SYNE2: variants seen among roughly 807,000 people sequenced by gnomAD.
SYNE2 encodes nesprin-2.
A neutral mutation model predicts 856.3 loss-of-function variants in SYNE2; 431 were observed. The ratio of observed to expected loss-of-function variants is 0.50; its 90% CI spans 0.47 to 0.55. SYNE2 has a LOEUF of 0.55. Among genes scored for constraint, SYNE2 ranks in the 20% least tolerant of loss-of-function variants. The pLI is 0.00. For synonymous variants in SYNE2, 2,923 were observed against 2,872.3 expected, an observed-to-expected ratio of 1.02 and a Z score of -0.56; for missense variants, 8,129 against 8,023.2, an observed-to-expected ratio of 1.01 and a Z score of -0.50.
intron 1 of SYNE2, among the ~76,000 whole-genome samples, chr14:63,763,208 T>A (rs1595087989): frequency 6.6e-6 from 1 of 152,022 alleles, no homozygotes; most frequent in Admixed American, 6.6e-5. Context: ...CCTCAGGTGA[T>A]CCGCCTGCCT....
At chr14:64,142,299 A>C in intron 82 of SYNE2, among the ~76,000 whole-genome samples, 1 of 152,240 alleles carries the variant, frequency 6.6e-6, no homozygotes, top group Middle Eastern at 3.4e-3. Flanking sequence ...ACCACAGGAC[A>C]ATCCAAGCAA....
At chr14:64,078,745 T>G in intron 55 of SYNE2, 139 bp downstream of exon 55, 1 of 1,069,566 alleles carries the variant, frequency 9.3e-7, no homozygotes. Context: ...GGGCATCACC[T>G]AGAGAGGCTT....
intron 45 of SYNE2, among the ~76,000 whole-genome samples, chr14:64,039,276 A>G (rs2153559957): frequency 6.6e-6 from 1 of 152,372 alleles, no homozygotes; most frequent in East Asian, 1.9e-4. Context: ...TCACAAAGTT[A>G]CCATAGCCAT....
At chr14:64,125,524 T>C (rs1026184110) in intron 71 of SYNE2, among the ~76,000 whole-genome samples, 1 of 152,128 alleles carries the variant, frequency 6.6e-6, no homozygotes, top group East Asian at 1.9e-4. Context: ...AGTATAGGCA[T>C]GGTTTTCAAC....
intron 77 of SYNE2, among the ~76,000 whole-genome samples, chr14:64,133,067 G>C (rs532664029): frequency 6.6e-6 from 1 of 151,948 alleles, no homozygotes; most frequent in Non-Finnish European, 1.5e-5. Flanking sequence ...TTAGCTGGGC[G>C]TGGTGGTGGG....
chr14:64,091,486 C>T (rs940714308), intron 60 of SYNE2, among the ~76,000 whole-genome samples: 3 of 152,182 alleles, frequency 2.0e-5, no homozygotes, highest in African/African-American at 7.2e-5. Context: ...AGGAAATTGG[C>T]ATCAGGGTTA....
At chr14:63,813,690 C>T (rs1023432933) in intron 1 of SYNE2, among the ~76,000 whole-genome samples, 3 of 151,526 alleles carry the variant, frequency 2.0e-5, no homozygotes, top group African/African-American at 7.3e-5. Flanking sequence ...TTGGGAGGCC[C>T]AGGGGAGTGG....
chr14:64,212,556 A>G (rs921913578), intron 104 of SYNE2, among the ~76,000 whole-genome samples: 1 of 152,238 alleles, frequency 6.6e-6, no homozygotes, highest in Non-Finnish European at 1.5e-5. Context: ...TAATAACAGT[A>G]AATGTCCACC....
At chr14:64,186,354 G>A (rs1345416030) in intron 96 of SYNE2, 70 bp from the exon 97 acceptor site, 12 of 1,595,960 alleles carry the variant, frequency 7.5e-6, no homozygotes, top group South Asian at 2.2e-5. Flanking sequence ...CAAAGGATTA[G>A]CCTACAGGTT....
intron 1 of SYNE2, among the ~76,000 whole-genome samples, chr14:63,769,472 C>T (rs953500824): frequency 3.3e-5 from 5 of 152,180 alleles, no homozygotes; most frequent in Admixed American, 6.5e-5. Context: ...TCGAGACCAT[C>T]TTGGCTAACA....
At chr14:63,901,481 T>C (rs1288503066) in intron 1 of SYNE2, among the ~76,000 whole-genome samples, 2 of 152,164 alleles carry the variant, frequency 1.3e-5, no homozygotes, top group Non-Finnish European at 2.9e-5. Flanking sequence ...ATCCCTTTCA[T>C]TTCGGATACT....
intron 1 of SYNE2, among the ~76,000 whole-genome samples, chr14:63,834,643 CTTT>C (rs368369862): frequency 3.7e-5 from 5 of 134,934 alleles, no homozygotes; most frequent in Admixed American, 1.5e-4. Flanking sequence ...CTTTTTCTTT[CTTT>C]TTTTTTTTTT....
intron 1 of SYNE2, among the ~76,000 whole-genome samples, chr14:63,907,424 T>C (rs2153347081): frequency 6.6e-6 from 1 of 152,298 alleles, no homozygotes; most frequent in Non-Finnish European, 1.5e-5. Context: ...TAGACAATTG[T>C]GAATCATACT....
intron 1 of SYNE2, among the ~76,000 whole-genome samples, chr14:63,825,176 G>A (rs539559977): frequency 4.9e-4 from 75 of 152,060 alleles, no homozygotes; most frequent in African/African-American, 1.7e-3. Context: ...CTAACATACT[G>A]TATGATGAAA....
intron 1 of SYNE2, among the ~76,000 whole-genome samples, chr14:63,810,689 A>G (rs1888582195): frequency 6.6e-6 from 1 of 152,162 alleles, no homozygotes; most frequent in Non-Finnish European, 1.5e-5. Flanking sequence ...CTGTTCTTTA[A>G]TATTTTGTTT....
At chr14:63,851,532 T>C (rs1241039310), upstream of SYNE2, among the ~76,000 whole-genome samples, 1 of 152,108 alleles carries the variant, frequency 6.6e-6, no homozygotes, top group Non-Finnish European at 1.5e-5. Context: ...TTGTGAAGAG[T>C]TGAGCTACTG....
At chr14:63,912,683 C>T (rs1345028893) in intron 2 of SYNE2, among the ~76,000 whole-genome samples, 2 of 152,094 alleles carry the variant, frequency 1.3e-5, no homozygotes, top group East Asian at 3.9e-4. Context: ...TGTGGCAACA[C>T]CCTGACTCAG....
intron 32 of SYNE2, among the ~76,000 whole-genome samples, chr14:64,013,495 T>G (rs2096864408): frequency 1.3e-5 from 2 of 152,188 alleles, no homozygotes. Flanking sequence ...TCTCACCTTT[T>G]ATAGTCCCCA....
intron 102 of SYNE2, 178 bp downstream of exon 102, chr14:64,209,756 C>A: frequency 8.8e-7 from 1 of 1,136,004 alleles, no homozygotes; most frequent in Non-Finnish European, 1.3e-6. Flanking sequence ...TGATGTACTC[C>A]AGCTGCTATG....
Sources: allele counts gnomAD v4.1 joint callset (sites outside exome capture counted in the v4.1 genomes callset), GRCh38; gene constraint gnomAD v4.1.1; transcripts MANE v1.5; gene names NCBI Gene and HGNC (gene_info 2026-07-23, HGNC 2026-07-21).